Variants in SGCD observed in about 807,000 individuals in gnomAD.
SGCD encodes the protein delta-sarcoglycan.
Under a neutral mutation model 36.6 loss-of-function variants are expected in SGCD, and 18 were observed. The ratio of observed to expected loss-of-function variants is 0.49; its 90% CI spans 0.34 to 0.73. SGCD has a LOEUF of 0.73. Among genes scored for constraint, SGCD ranks in the 30% least tolerant of loss-of-function variants. The pLI, the probability that SGCD is intolerant of heterozygous loss-of-function variation, is 0.01. For synonymous variants in SGCD, 133 were observed against 130.6 expected (o/e 1.02, Z -0.12); for missense variants, 387 against 346.7 (o/e 1.12, Z -0.92).
chr5:156,360,393 ACCTGCC>A (rs1021177565), intron 3 of SGCD, among the ~76,000 whole-genome samples: 1 of 151,802 alleles, frequency 6.6e-6, no homozygotes, highest in African/African-American at 2.4e-5. Flanking sequence ...GATTACAGGC[ACCTGCC>A]ACCATGCCTG....
intron 3 of SGCD, among the ~76,000 whole-genome samples, chr5:156,398,796 T>C (rs1357334833): frequency 6.6e-6 from 1 of 152,196 alleles, no homozygotes; most frequent in Non-Finnish European, 1.5e-5. Flanking sequence ...TTGAACATCA[T>C]ATATTGAGGG....
chr5:156,519,004 C>T (rs1757296274), intron 4 of SGCD, among the ~76,000 whole-genome samples: 1 of 151,408 alleles, frequency 6.6e-6, no homozygotes. Flanking sequence ...AAAATCAGGG[C>T]AGAACTGAAG....
chr5:156,532,528 T>C (rs1382239134), intron 4 of SGCD, among the ~76,000 whole-genome samples: 2 of 152,330 alleles, frequency 1.3e-5, no homozygotes, highest in Non-Finnish European at 1.5e-5. Context: ...TGGCATGATC[T>C]TGGCTCACTG....
intron 1 of SGCD, among the ~76,000 whole-genome samples, chr5:156,005,253 A>T (rs544787428): frequency 5.3e-5 from 8 of 152,146 alleles, no homozygotes; most frequent in Non-Finnish European, 1.0e-4. Flanking sequence ...ACTTCCCTTC[A>T]TCCCAGTCCT....
At chr5:156,071,530 T>C (rs1247826904) in intron 1 of SGCD, among the ~76,000 whole-genome samples, 2 of 152,196 alleles carry the variant, frequency 1.3e-5, no homozygotes, top group East Asian at 3.8e-4. Flanking sequence ...TTACATTTGC[T>C]GAGGAGAGCT....
intron 1 of SGCD, among the ~76,000 whole-genome samples, chr5:156,007,193 C>A (rs1020836947): frequency 2.6e-5 from 4 of 152,272 alleles, no homozygotes; most frequent in Non-Finnish European, 5.9e-5. Flanking sequence ...ACACTTGCTT[C>A]AGTTCTGCAG....
chr5:155,959,034 A>G (rs1757730686), intron 1 of SGCD, among the ~76,000 whole-genome samples: 1 of 152,012 alleles, frequency 6.6e-6, no homozygotes, highest in South Asian at 2.1e-4. Context: ...CCTCCTCTCT[A>G]TGTCTTATTT....
At chr5:156,287,415 C>G (rs1273543573) in intron 3 of SGCD, among the ~76,000 whole-genome samples, 1 of 151,834 alleles carries the variant, frequency 6.6e-6, no homozygotes, top group African/African-American at 2.4e-5. Flanking sequence ...CCTAGAAAGG[C>G]GCATGAAACC....
chr5:156,363,452 C>G (rs1267200427), intron 3 of SGCD, among the ~76,000 whole-genome samples: 1 of 152,118 alleles, frequency 6.6e-6, no homozygotes, highest in Admixed American at 6.5e-5. Context: ...TTTTGGTATG[C>G]TCTCCTAAGT....
At chr5:156,726,040 A>T (rs1755757544) in intron 7 of SGCD, among the ~76,000 whole-genome samples, 1 of 152,204 alleles carries the variant, frequency 6.6e-6, no homozygotes, top group African/African-American at 2.4e-5. Flanking sequence ...AGCATTTTGC[A>T]CTTCTCAATT....
At chr5:155,733,556 A>G in the SGCD span, among the ~76,000 whole-genome samples, 1 of 152,224 alleles carries the variant, frequency 6.6e-6, no homozygotes, top group Non-Finnish European at 1.5e-5. Context: ...ATTTTAAATA[A>G]CCACAGTCAT....
At chr5:156,418,387 T>C (rs1354646010) in intron 3 of SGCD, among the ~76,000 whole-genome samples, 1 of 152,166 alleles carries the variant, frequency 6.6e-6, no homozygotes, top group African/African-American at 2.4e-5. Context: ...TGACTGGACA[T>C]GGTCCCAGGT....
rs1015430533 is a variant in SGCD at position 156,441,065 on chromosome 5, C to T, written c.193-67536C>T. ...ACTCTTACAGCTATTAGATCCTTAA[C>T]CTACAGGATTGAAACTTTAATATTG... On this transcript the variant is annotated intron_variant, in intron 3 of 8. Transcript: ENST00000337851. 3.3e-5 allele frequency among the ~76,000 whole-genome samples: 5 copies of T among 152,226 alleles called. No individual in the cohort carries two copies. The East Asian group carries it at 7.7e-4, about 24-fold the overall frequency.
the SGCD span, among the ~76,000 whole-genome samples, chr5:155,740,923 C>T: frequency 2.6e-5 from 4 of 152,204 alleles, no homozygotes; most frequent in Non-Finnish European, 5.9e-5. Context: ...CGACTCATGA[C>T]ACAGCCCCAG....
chr5:155,974,168 C>T (rs759692386), intron 1 of SGCD, among the ~76,000 whole-genome samples: 3 of 151,900 alleles, frequency 2.0e-5, no homozygotes, highest in Non-Finnish European at 2.9e-5. Flanking sequence ...TTATGAAGAA[C>T]GGTTAATCTA....
chr5:156,496,219 A>G (rs532719589), intron 3 of SGCD, among the ~76,000 whole-genome samples: 1 of 152,278 alleles, frequency 6.6e-6, no homozygotes, highest in East Asian at 1.9e-4. Context: ...GATGAAACAG[A>G]TTCAAATAGG....
intron 3 of SGCD, among the ~76,000 whole-genome samples, chr5:156,434,496 A>G (rs1285605610): frequency 1.3e-5 from 2 of 152,214 alleles, no homozygotes; most frequent in Non-Finnish European, 2.9e-5. Flanking sequence ...GGTAATTACT[A>G]AGATAGTATT....
chr5:156,601,195 C>T (rs769100985), intron 6 of SGCD, among the ~76,000 whole-genome samples: 1 of 152,138 alleles, frequency 6.6e-6, no homozygotes, highest in African/African-American at 2.4e-5. Context: ...TGAGATCTCA[C>T]CTAAAAAATC....
At position 156,395,777 on chromosome 5, in the gene SGCD, G is replaced by A. The variant is rs544335164; in HGVS notation, c.192+51100G>A. ...GTTTCAGACACATATATATCTGTCT[G>A]TAGCCTGTGGGCTTTACGACCCTGC... On this transcript the variant is annotated intron_variant, in intron 3 of 8. Transcript: ENST00000337851. Among the ~76,000 whole-genome samples the A allele has an allele frequency of 2.8e-4, 43 of 152,294 alleles. 1 individual carries two copies. The South Asian group carries it at 8.9e-3, about 32-fold the overall frequency.
Sources: gnomAD v4.1 joint callset for allele counts (sites outside exome capture counted in the v4.1 genomes callset) on GRCh38, gnomAD v4.1.1 for gene constraint, MANE v1.5 for transcripts, NCBI Gene and HGNC (gene_info 2026-07-23, HGNC 2026-07-21) for gene names.